Variants in TARBP1 observed in about 807,000 individuals in gnomAD.
TARBP1 encodes the protein tRNA guanosine 2 -O-methyltransferase TARBP1.
A neutral mutation model predicts 178.6 loss-of-function variants in TARBP1; 144 were observed. The ratio of observed to expected loss-of-function variants is 0.81; its 90% CI spans 0.70 to 0.93. TARBP1 has a LOEUF of 0.93. Ranked by LOEUF, TARBP1 falls within the 40% of genes least tolerant of loss-of-function variation. The pLI, the probability that TARBP1 is intolerant of heterozygous loss-of-function variation, is 0.00. For synonymous variants in TARBP1, 787 were observed against 781.0 expected (o/e 1.01, Z -0.13); for missense variants, 2,067 against 2,011.7 (o/e 1.03, Z -0.53).
chr1:234,447,400 T>TC (rs1268194459), intron 11 of TARBP1, among the ~76,000 whole-genome samples: 21 of 145,970 alleles, frequency 1.4e-4, no homozygotes, highest in Non-Finnish European at 2.9e-4. Context: ...CCAACTTTTT[T>TC]TTTTTTTTTT....
Position 234,478,454 on chromosome 1 carries a change from G to A in TARBP1, c.650C>T (p.Pro217Leu), listed in dbSNP as rs1181003964. Residue 217 changes from proline to leucine, a missense_variant, in exon 1 of 30, where the codon CCT becomes CTT. Pro to Leu is a moderately conservative substitution (Grantham distance 98, BLOSUM62 -3). Transcript: ENST00000040877. Reference protein sequence around the residue: ...LRAVWGGLAAPGASLGSGRVE... With the variant: ...LRAVWGGLAALGASLGSGRVE... Reference sequence around the variant, plus strand: ...GCGGCCGGACCCCAGGGACGCCCCAGGCGCGGCCAGCCCGCCCCACACGGC... The same window carrying A: ...GCGGCCGGACCCCAGGGACGCCCCAAGCGCGGCCAGCCCGCCCCACACGGC... 7.2e-6 allele frequency: 10 copies of A among 1,386,646 alleles called. No individual in the cohort carries two copies. The highest frequency in any genetic ancestry group is 9.4e-6 in the Non-Finnish European group (10 of 1,066,634). 85.9% of individuals were successfully genotyped at this position (1,386,646 alleles called of 1,614,324 possible).
chr1:234,426,886 A>T (rs916050762), intron 19 of TARBP1, among the ~76,000 whole-genome samples: 1 of 152,248 alleles, frequency 6.6e-6, no homozygotes, highest in Non-Finnish European at 1.5e-5. Flanking sequence ...CAAAAACTTC[A>T]GAGTCTGTTC....
At chr1:234,458,082 G>A (rs539589128) in intron 8 of TARBP1, among the ~76,000 whole-genome samples, 7 of 151,976 alleles carry the variant, frequency 4.6e-5, no homozygotes, top group South Asian at 2.1e-4. Flanking sequence ...GGTGGCTCAC[G>A]CCTGTAATCC....
At chr1:234,473,428 G>A (rs1461859088) in intron 1 of TARBP1, among the ~76,000 whole-genome samples, 1 of 152,176 alleles carries the variant, frequency 6.6e-6, no homozygotes, top group Non-Finnish European at 1.5e-5. Flanking sequence ...GTAAAATAGT[G>A]CGTCTCTGAA....
At chr1:234,472,592 C>T in intron 2 of TARBP1, 122 bp downstream of exon 2, 1 of 623,920 alleles carries the variant, frequency 1.6e-6, no homozygotes, top group Non-Finnish European at 2.7e-6. Flanking sequence ...ACAAAGTATA[C>T]TTGGATTCTA....
At chr1:234,450,811 T>TAC (rs1558227710) in intron 9 of TARBP1, among the ~76,000 whole-genome samples, 5 of 152,076 alleles carry the variant, frequency 3.3e-5, no homozygotes, top group Non-Finnish European at 7.4e-5. Flanking sequence ...TATATATATA[T>TAC]ACACATATGT....
At position 234,410,216 on chromosome 1, in the gene TARBP1, T is replaced by G. The variant is rs143436027; in HGVS notation, c.3792+229A>C. Among the ~76,000 whole-genome samples the G allele has an allele frequency of 9.3e-3, 1,418 of 152,326 alleles. 26 individuals are homozygous for G. The highest frequency in any genetic ancestry group is 0.032 in the African/African-American group (1,328 of 41,574). ...CAACAAAAACTTACCCAGTAGTTTGTCTATAAATTTGGTATGTACTCAAGC... is the reference window on the plus strand; with the variant it reads ...CAACAAAAACTTACCCAGTAGTTTGGCTATAAATTTGGTATGTACTCAAGC... On this transcript the variant is annotated intron_variant, in intron 23 of 29. Coordinates refer to ENST00000040877, the MANE Select transcript of TARBP1 (RefSeq NM_005646.4).
At chr1:234,458,712 A>G (rs908775794) in intron 8 of TARBP1, among the ~76,000 whole-genome samples, 5 of 152,190 alleles carry the variant, frequency 3.3e-5, no homozygotes, top group Non-Finnish European at 7.3e-5. Context: ...ATGTCGATAC[A>G]GGGGAAGATG....
intron 6 of TARBP1, among the ~76,000 whole-genome samples, chr1:234,462,791 T>G (rs1478248206): frequency 6.6e-6 from 1 of 152,056 alleles, no homozygotes; most frequent in African/African-American, 2.4e-5. Flanking sequence ...CAATTTTCTA[T>G]AAATTTAAAG....
At chr1:234,462,097 C>T (rs142383435) in intron 6 of TARBP1, among the ~76,000 whole-genome samples, 1 of 152,288 alleles carries the variant, frequency 6.6e-6, no homozygotes, top group African/African-American at 2.4e-5. Context: ...TTCTTTCTTC[C>T]ATTTGCACTA....
In TARBP1 at chr1:234,429,263, G is replaced by A. The variant is rs1034169660; in HGVS notation, c.2933C>T (p.Ser978Phe). The A allele has an allele frequency of 6.2e-6, 10 of 1,604,444 alleles. No individual in the cohort carries two copies. The highest frequency in any genetic ancestry group is 8.5e-6 in the Non-Finnish European group (10 of 1,177,780). ...ESFDMAWKII[S>F]SLSNTQLIFW... Reference sequence around the variant, plus strand: ...TATCAGCTGAGTGTTGCTTAAAGAAGATATAATTTTCCACGCCATGTCAAA... The same window carrying A: ...TATCAGCTGAGTGTTGCTTAAAGAAAATATAATTTTCCACGCCATGTCAAA... The change falls in exon 17 of 30, where the codon TCT becomes TTT. Residue 978 changes from serine (S) to phenylalanine (F), a missense_variant. By Grantham distance (155) the Ser-to-Phe change is radical. Transcript: ENST00000040877.
chr1:234,397,226 G>A (rs1292892969), intron 26 of TARBP1, among the ~76,000 whole-genome samples: 8 of 13,902 alleles, frequency 5.8e-4, no homozygotes, highest in South Asian at 3.0e-3. Context: ...AGGAGGGGGA[G>A]GAGGGGGGAA....
At chr1:234,399,817 T>C (rs565795199) in intron 25 of TARBP1, among the ~76,000 whole-genome samples, 24 of 140,616 alleles carry the variant, frequency 1.7e-4, no homozygotes, top group African/African-American at 6.4e-4. Flanking sequence ...TTCTCACTCA[T>C]AGGTGGAAAC....
chr1:234,393,233 T>C, intron 28 of TARBP1, 129 bp downstream of exon 28: 1 of 981,548 alleles, frequency 1.0e-6, no homozygotes, highest in African/African-American at 1.6e-5. Context: ...AAAGGACTAA[T>C]ACACAAAGAT....
chr1:234,402,246 G>C (rs12031728), intron 24 of TARBP1, among the ~76,000 whole-genome samples: 4 of 152,110 alleles, frequency 2.6e-5, no homozygotes, highest in Non-Finnish European at 4.4e-5. Context: ...AGACTGTCTC[G>C]TTTTCATTCG....
At chr1:234,424,781 G>GC (rs1663516039) in intron 20 of TARBP1, among the ~76,000 whole-genome samples, 1 of 151,926 alleles carries the variant, frequency 6.6e-6, no homozygotes, top group African/African-American at 2.4e-5. Flanking sequence ...CAAAAATTAG[G>GC]CCAGGCACAG....
intron 20 of TARBP1, among the ~76,000 whole-genome samples, chr1:234,423,557 G>A (rs541229389): frequency 1.3e-5 from 2 of 152,052 alleles, no homozygotes; most frequent in East Asian, 1.9e-4. Context: ...ACCATGAAAC[G>A]CCTTTGTCGA....
chr1:234,453,876 G>C (rs922367585), intron 9 of TARBP1, among the ~76,000 whole-genome samples: 5 of 152,172 alleles, frequency 3.3e-5, no homozygotes, highest in African/African-American at 1.2e-4. Flanking sequence ...TGCCTGGCCT[G>C]TGGGAGATGT....
chr1:234,423,570 T>C (rs1248683964), intron 20 of TARBP1, among the ~76,000 whole-genome samples: 1 of 152,140 alleles, frequency 6.6e-6, no homozygotes, highest in East Asian at 1.9e-4. Flanking sequence ...TTTGTCGAGG[T>C]GACCAAGACA....
Sources: allele counts gnomAD v4.1 joint callset (sites outside exome capture counted in the v4.1 genomes callset), GRCh38; gene constraint gnomAD v4.1.1; transcripts MANE v1.5; gene names NCBI Gene and HGNC (gene_info 2026-07-23, HGNC 2026-07-21).